UBXN7: variants seen among roughly 807,000 people sequenced by gnomAD.
UBXN7 encodes the protein UBX domain protein 7, also known as UBX domain-containing protein 7.
Under a neutral mutation model 58.0 loss-of-function variants are expected in UBXN7, and 9 were observed. The observed-to-expected ratio is 0.16, with a 90% CI of 0.09 to 0.27. The LOEUF (loss-of-function observed/expected upper bound fraction) is 0.27, where lower values mean the gene tolerates loss of function less well. Among genes scored for constraint, UBXN7 ranks in the 10% least tolerant of loss-of-function variants. The probability of loss-of-function intolerance (pLI) is 1.00; values close to 1 mark genes in which losing one functional copy is unlikely to be tolerated. For synonymous variants in UBXN7, 208 were observed against 205.0 expected (o/e 1.01, Z -0.12); for missense variants, 328 against 599.6 (o/e 0.55, Z 4.73).
intron 1 of UBXN7, among the ~76,000 whole-genome samples, chr3:196,410,138 C>T (rs1404647898): frequency 6.6e-6 from 1 of 152,076 alleles, no homozygotes; most frequent in African/African-American, 2.4e-5. Context: ...CAGGGTTTCA[C>T]CATGTTGGCC....
chr3:196,391,214 T>C (rs1376574228), intron 5 of UBXN7, among the ~76,000 whole-genome samples: 1 of 152,164 alleles, frequency 6.6e-6, no homozygotes, highest in Non-Finnish European at 1.5e-5. Flanking sequence ...ACAAGTGAGA[T>C]ATTTTAAAAA....
rs891186016 is a variant in UBXN7 at position 196,356,033 on chromosome 3, TAAC to T, written c.*649_*651del. ...CCATATTTAACACTCATTCTGCCAA[TAAC>T]ACATGTCATGGAAATAGTCCTTATA... On this transcript the variant is annotated 3_prime_UTR_variant, in exon 11 of 11. Transcript: ENST00000296328. The T allele has an allele frequency of 7.5e-6, 1 of 133,150 alleles. No homozygotes were observed. The highest frequency in any genetic ancestry group is 2.5e-5 in the African/African-American group (1 of 39,534). The allele number at this position is 133,150 out of a possible 1,614,324, so 8.2% of individuals were successfully genotyped here. A position where few individuals can be genotyped will look rare whatever the true frequency, so the allele number is the denominator to read the frequency against.
rs893417245 is a variant in UBXN7, at chr3:196,355,473, C to T, written c.*1212G>A. ...ACATCTGAAAATTACTAGTAACCTCCGCCATCCTCCTTACTAAATGTTGTC... is the reference window on the plus strand; with the variant it reads ...ACATCTGAAAATTACTAGTAACCTCTGCCATCCTCCTTACTAAATGTTGTC... On this transcript the variant is annotated 3_prime_UTR_variant, in exon 11 of 11. Transcript: ENST00000296328. 3 of 152,246 alleles carry T rather than the reference C, an allele frequency of 2.0e-5. No individual in the cohort carries two copies. The highest frequency in any genetic ancestry group is 3.4e-3 in the Middle Eastern group (1 of 294). The allele number at this position is 152,246 out of a possible 1,614,324, so 9.4% of individuals were successfully genotyped here.
intron 1 of UBXN7, among the ~76,000 whole-genome samples, chr3:196,417,031 C>A (rs1250016915): frequency 1.3e-5 from 2 of 152,146 alleles, no homozygotes; most frequent in African/African-American, 4.8e-5. Context: ...AATAAATGTA[C>A]ACACAGGCGC....
chr3:196,428,275 T>C (rs1390651990), intron 1 of UBXN7, among the ~76,000 whole-genome samples: 1 of 152,016 alleles, frequency 6.6e-6, no homozygotes, highest in African/African-American at 2.4e-5. Flanking sequence ...TGTAGCATAA[T>C]GTTAAGTGAA....
chr3:196,378,334 T>C (rs1210076102), intron 5 of UBXN7, among the ~76,000 whole-genome samples: 2 of 152,206 alleles, frequency 1.3e-5, no homozygotes, highest in Admixed American at 6.5e-5. Context: ...TTATAGTAGA[T>C]GGAATGTAGA....
At chr3:196,358,496 G>C (rs1226812997) in intron 10 of UBXN7, among the ~76,000 whole-genome samples, 1 of 152,166 alleles carries the variant, frequency 6.6e-6, no homozygotes, top group African/African-American at 2.4e-5. Context: ...TGCACTTTGG[G>C]AGGCTGGGGA....
chr3:196,396,352 G>C (rs766592042), intron 3 of UBXN7, among the ~76,000 whole-genome samples: 192 of 150,082 alleles, frequency 1.3e-3, no homozygotes, highest in Non-Finnish European at 1.2e-3. Context: ...CTTGAGCCAA[G>C]GAGTTCGAGT....
chr3:196,425,738 C>G (rs571162642), intron 1 of UBXN7, among the ~76,000 whole-genome samples: 1 of 152,316 alleles, frequency 6.6e-6, no homozygotes, highest in South Asian at 2.1e-4. Flanking sequence ...TCTCCCCTCT[C>G]TCATCTCTGT....
At chr3:196,403,648 T>C (rs993473333) in intron 2 of UBXN7, among the ~76,000 whole-genome samples, 9 of 151,460 alleles carry the variant, frequency 5.9e-5, no homozygotes, top group Non-Finnish European at 1.3e-4. Context: ...AACAGAAAAA[T>C]ATAGGCTTAA....
chr3:196,376,888 A>C (rs942445633), intron 5 of UBXN7, among the ~76,000 whole-genome samples: 3 of 151,740 alleles, frequency 2.0e-5, no homozygotes, highest in Non-Finnish European at 4.4e-5. Flanking sequence ...TCTACAAAAA[A>C]TACAAAATTT....
chr3:196,377,966 C>T (rs1325512876), intron 5 of UBXN7, among the ~76,000 whole-genome samples: 2 of 152,194 alleles, frequency 1.3e-5, no homozygotes, highest in African/African-American at 4.8e-5. Flanking sequence ...TGAGCCACTG[C>T]ATCCAGCTAC....
At chr3:196,424,460 G>A (rs990277547) in intron 1 of UBXN7, among the ~76,000 whole-genome samples, 1 of 143,842 alleles carries the variant, frequency 7.0e-6, no homozygotes, top group African/African-American at 2.6e-5. Context: ...AGCAGCAGGA[G>A]CATAGTTCAC....
intron 3 of UBXN7, among the ~76,000 whole-genome samples, chr3:196,401,428 A>G (rs2108851681): frequency 6.6e-6 from 1 of 151,004 alleles, no homozygotes; most frequent in East Asian, 1.9e-4. Context: ...AGACATACAT[A>G]TAATTTTATT....
chr3:196,391,900 A>G lies in UBXN7; in HGVS notation c.381T>C (p.Asn127=). 2.5e-6 allele frequency: 4 copies of G among 1,595,892 alleles called. No homozygotes were observed. Among genetic ancestry groups the G allele is most frequent in the Non-Finnish European group, 3.4e-6 (4 of 1,169,968 alleles). ...TTAATTTCTTATCGATAGCTCCTCC[A>G]TTTCTTAATTCTTGTTCTTGCCGAA... ...ETIRQEQELR[N]GGAIDKKLTT... Residue 127 remains asparagine, a synonymous_variant, in exon 5 of 11, where the codon AAT becomes AAC. Transcript: ENST00000296328.
intron 10 of UBXN7, among the ~76,000 whole-genome samples, chr3:196,360,869 AAATT>A (rs1728487255): frequency 6.6e-6 from 1 of 152,076 alleles, no homozygotes; most frequent in African/African-American, 2.4e-5. Context: ...AAAAAAAAGA[AAATT>A]AATTGGGTGT....
At chr3:196,416,436 TA>T (rs915744884) in intron 1 of UBXN7, among the ~76,000 whole-genome samples, 7 of 144,690 alleles carry the variant, frequency 4.8e-5, no homozygotes, top group East Asian at 2.0e-4. Flanking sequence ...GTCTCAAAAA[TA>T]AAAAAAAAAG....
intron 3 of UBXN7, among the ~76,000 whole-genome samples, chr3:196,401,767 TTAAAAAAAAAAAA>T (rs1442284276): frequency 1.2e-5 from 1 of 82,032 alleles, no homozygotes; most frequent in Non-Finnish European, 2.6e-5. Flanking sequence ...CATCTCTATT[TTAAAAAAAAAAAA>T]AAAAAAAAAG....
chr3:196,399,545 T>G (rs1450289293), intron 3 of UBXN7, among the ~76,000 whole-genome samples: 1 of 152,154 alleles, frequency 6.6e-6, no homozygotes, highest in Non-Finnish European at 1.5e-5. Flanking sequence ...CAAGCGATCC[T>G]CCCACCTCAG....
Sources: allele counts gnomAD v4.1 joint callset (sites outside exome capture counted in the v4.1 genomes callset), GRCh38; gene constraint gnomAD v4.1.1; transcripts MANE v1.5; gene names NCBI Gene and HGNC (gene_info 2026-07-23, HGNC 2026-07-21).